GAS2: variants seen among roughly 807,000 people sequenced by gnomAD.
GAS2 encodes growth arrest-specific protein 2.
A neutral mutation model predicts 37.5 loss-of-function variants in GAS2; 20 were observed. The observed-to-expected ratio is 0.53, with a 90% CI of 0.37 to 0.77. GAS2 has a LOEUF of 0.77. GAS2 is among the 30% of genes least tolerant of loss of function. The probability of loss-of-function intolerance (pLI) is 0.00; values close to 1 mark genes in which losing one functional copy is unlikely to be tolerated. For missense variants in GAS2, 336 were observed against 373.4 expected, an observed-to-expected ratio of 0.90 and a Z score of 0.82; for synonymous variants, 144 against 132.2, an observed-to-expected ratio of 1.09 and a Z score of -0.61.
At chr11:22,775,405 T>C (rs1267457353) in intron 7 of GAS2, among the ~76,000 whole-genome samples, 2 of 152,168 alleles carry the variant, frequency 1.3e-5, no homozygotes, top group Admixed American at 6.5e-5. Context: ...TATTTAAAAT[T>C]GAAACACCGT....
intron 1 of GAS2, among the ~76,000 whole-genome samples, chr11:22,647,498 A>G (rs1848715022): frequency 6.6e-6 from 1 of 151,954 alleles, no homozygotes; most frequent in South Asian, 2.1e-4. Context: ...GAATCGCCAC[A>G]CTGACTTCCA....
intron 1 of GAS2, chr11:22,626,091 A>T (rs1371154346): frequency 5.9e-6 from 3 of 512,448 alleles, no homozygotes; most frequent in African/African-American, 3.8e-5. Context: ...GATGCCAGTC[A>T]TGAACGTCTC....
chr11:22,695,640 C>T (rs958820929), intron 3 of GAS2, among the ~76,000 whole-genome samples: 16 of 152,152 alleles, frequency 1.1e-4, no homozygotes, highest in African/African-American at 3.9e-4. Flanking sequence ...AAATGCAAGT[C>T]ATATTATTCT....
intron 7 of GAS2, among the ~76,000 whole-genome samples, chr11:22,797,878 C>G (rs2134620785): frequency 6.6e-6 from 1 of 152,090 alleles, no homozygotes; most frequent in South Asian, 2.1e-4. Context: ...GGTTCATTCC[C>G]AGTTGGGCAA....
chr11:22,657,235 AGTGAGAGGGCT>A (rs1848865830), intron 1 of GAS2, among the ~76,000 whole-genome samples: 1 of 152,198 alleles, frequency 6.6e-6, no homozygotes, highest in African/African-American at 2.4e-5. Context: ...TACCTCTCCA[AGTGAGAGGGCT>A]GTCAGAGCCA....
intron 1 of GAS2, among the ~76,000 whole-genome samples, chr11:22,646,043 A>G (rs1848687167): frequency 6.6e-6 from 1 of 151,768 alleles, no homozygotes. Flanking sequence ...GGGTTTCTCC[A>G]TGTTGGTCAG....
chr11:22,718,892 T>C (rs1413855194), intron 3 of GAS2, among the ~76,000 whole-genome samples: 1 of 152,062 alleles, frequency 6.6e-6, no homozygotes, highest in Non-Finnish European at 1.5e-5. Context: ...TGGATGTATA[T>C]ATAAATTAGG....
chr11:22,758,971 A>G (rs1286532089), intron 7 of GAS2, among the ~76,000 whole-genome samples: 3 of 151,950 alleles, frequency 2.0e-5, no homozygotes, highest in Non-Finnish European at 4.4e-5. Context: ...GCCTGTGCCT[A>G]ACACTGTTAA....
intron 6 of GAS2, 88 bp downstream of exon 6, chr11:22,749,349 C>T: frequency 2.6e-6 from 3 of 1,173,560 alleles, no homozygotes; most frequent in Non-Finnish European, 3.6e-6. Flanking sequence ...TCAGTCTAAT[C>T]TTTACCTATA....
chr11:22,795,056 C>T (rs1169071047), intron 7 of GAS2, among the ~76,000 whole-genome samples: 1 of 152,114 alleles, frequency 6.6e-6, no homozygotes, highest in Admixed American at 6.6e-5. Flanking sequence ...GGGAACAAAA[C>T]AGGAGATCCA....
intron 4 of GAS2, among the ~76,000 whole-genome samples, chr11:22,728,578 A>C (rs1852325643): frequency 6.6e-6 from 1 of 151,526 alleles, no homozygotes; most frequent in African/African-American, 2.4e-5. Flanking sequence ...CAAATTTTTA[A>C]GTCTATAAAA....
chr11:22,637,142 C>CAATATATTACTTATGTTAATATTATATT (rs760738806), intron 1 of GAS2, among the ~76,000 whole-genome samples: 66 of 101,152 alleles, frequency 6.5e-4, no homozygotes, highest in African/African-American at 1.7e-3. Context: ...AATATTATAT[C>CAATATATTACTTATGTTAATATTATATT]AATATATTAC....
chr11:22,663,614 G>T (rs1848940988), upstream of GAS2, among the ~76,000 whole-genome samples: 1 of 152,030 alleles, frequency 6.6e-6, no homozygotes, highest in Non-Finnish European at 1.5e-5. Flanking sequence ...AAAGTTTAAA[G>T]TTCTCCACTG....
At chr11:22,727,489 T>C (rs1437938961) in intron 4 of GAS2, among the ~76,000 whole-genome samples, 1 of 152,056 alleles carries the variant, frequency 6.6e-6, no homozygotes, top group Non-Finnish European at 1.5e-5. Flanking sequence ...TTTTATGTGC[T>C]TAAGGAAATC....
Position 22,717,983 on chromosome 11 carries a change from C to G in GAS2, c.268-8309C>G, listed in dbSNP as rs337436. ...CAAAAAATAATAGATGTTGGCATGG[C>G]TATGGTAAAAAAAGGAACACTTTTT... is the stretch of plus-strand genomic sequence containing the variant. On this transcript the variant is annotated intron_variant, in intron 3 of 7. Transcript: ENST00000454584. 2.0e-5 allele frequency among the ~76,000 whole-genome samples: 3 copies of G among 152,122 alleles called. No individual in the cohort carries two copies. The South Asian group carries it at 6.2e-4, about 32-fold the overall frequency.
At chr11:22,779,558 T>C (rs145070992) in intron 7 of GAS2, among the ~76,000 whole-genome samples, 45 of 151,996 alleles carry the variant, frequency 3.0e-4, no homozygotes, top group African/African-American at 1.0e-3. Context: ...ATTAGTCAGG[T>C]GTGGTGGCAT....
intron 7 of GAS2, among the ~76,000 whole-genome samples, chr11:22,789,628 G>GT (rs1178377022): frequency 8.9e-5 from 13 of 145,976 alleles, no homozygotes; most frequent in Admixed American, 2.7e-4. Context: ...TACCCGGCTA[G>GT]TTTTTTTGTA....
intron 3 of GAS2, among the ~76,000 whole-genome samples, chr11:22,717,353 G>T (rs529033905): frequency 6.6e-6 from 1 of 152,058 alleles, no homozygotes; most frequent in Non-Finnish European, 1.5e-5. Flanking sequence ...AATACTTACA[G>T]CCAGCTGATC....
At chr11:22,746,883 T>A (rs1853436356) in intron 5 of GAS2, among the ~76,000 whole-genome samples, 2 of 152,020 alleles carry the variant, frequency 1.3e-5, no homozygotes, top group Non-Finnish European at 2.9e-5. Flanking sequence ...AATAAAAAAA[T>A]TAAGTAGGTC....
Sources: gnomAD v4.1 joint callset for allele counts (sites outside exome capture counted in the v4.1 genomes callset) on GRCh38, gnomAD v4.1.1 for gene constraint, MANE v1.5 for transcripts, NCBI Gene and HGNC (gene_info 2026-07-23, HGNC 2026-07-21) for gene names.